Variants in TBXAS1 observed in about 807,000 individuals in gnomAD.
TBXAS1 encodes the protein thromboxane-A synthase.
TBXAS1 carries 48 observed loss-of-function variants against 60.7 expected under a neutral mutation model. The observed-to-expected ratio is 0.79, with a 90% CI of 0.63 to 1.01. The LOEUF is 1.01. Ranked by LOEUF, TBXAS1 falls within the 50% of genes least tolerant of loss-of-function variation. The probability of loss-of-function intolerance (pLI) is 0.00; values close to 1 mark genes in which losing one functional copy is unlikely to be tolerated. For synonymous variants in TBXAS1, 287 were observed against 269.7 expected (o/e 1.06, Z -0.63); for missense variants, 685 against 686.3 (o/e 1.00, Z 0.02).
chr7:140,003,520 A>T (rs1352151768), intron 9 of TBXAS1, among the ~76,000 whole-genome samples: 1 of 152,164 alleles, frequency 6.6e-6, no homozygotes, highest in African/African-American at 2.4e-5. Flanking sequence ...GTGCATCTTG[A>T]TCTAAAAGCC....
intron 3 of TBXAS1, among the ~76,000 whole-genome samples, chr7:139,906,574 CT>C (rs954461231): frequency 6.6e-6 from 1 of 152,004 alleles, no homozygotes; most frequent in Non-Finnish European, 1.5e-5. Flanking sequence ...CCACTTTATT[CT>C]TTTTTCAAAA....
intron 9 of TBXAS1, among the ~76,000 whole-genome samples, chr7:140,001,719 A>G (rs1813688013): frequency 6.6e-6 from 1 of 152,194 alleles, no homozygotes; most frequent in South Asian, 2.1e-4. Context: ...AAACATGACC[A>G]CAATACCATT....
chr7:139,991,848 G>A (rs576438416), intron 9 of TBXAS1, among the ~76,000 whole-genome samples: 5 of 152,290 alleles, frequency 3.3e-5, no homozygotes, highest in South Asian at 4.1e-4. Flanking sequence ...CGGAGAGCAC[G>A]GGCAGCTCTC....
intron 5 of TBXAS1, among the ~76,000 whole-genome samples, chr7:139,953,117 G>A (rs1206092744): frequency 6.6e-6 from 1 of 152,186 alleles, no homozygotes. Context: ...CGTATTCACT[G>A]TAAATCTGTT....
chr7:139,957,082 A>G (rs1283799566), intron 7 of TBXAS1, among the ~76,000 whole-genome samples: 2 of 152,236 alleles, frequency 1.3e-5, no homozygotes, highest in Non-Finnish European at 2.9e-5. Context: ...GCAAGGGCCC[A>G]TGCTGCACCC....
chr7:139,871,816 A>G (rs569282304), intron 1 of TBXAS1, among the ~76,000 whole-genome samples: 1 of 152,320 alleles, frequency 6.6e-6, no homozygotes, highest in East Asian at 1.9e-4. Context: ...AAATACACAC[A>G]TTTGCACAGG....
intron 8 of TBXAS1, among the ~76,000 whole-genome samples, chr7:139,959,657 A>G (rs1810169124): frequency 1.3e-5 from 2 of 152,312 alleles, no homozygotes; most frequent in Admixed American, 1.3e-4. Flanking sequence ...ATAAGAGGAA[A>G]GGATGCTGGC....
chr7:139,872,448 A>T, intron 2 of TBXAS1, 120 bp downstream of exon 2: 1 of 925,614 alleles, frequency 1.1e-6, no homozygotes, highest in East Asian at 2.9e-5. Flanking sequence ...TGAGGTCAGG[A>T]GTTCGAGACC....
chr7:139,935,971 C>T (rs1262292053), intron 4 of TBXAS1, among the ~76,000 whole-genome samples: 1 of 152,216 alleles, frequency 6.6e-6, no homozygotes, highest in Admixed American at 6.5e-5. Context: ...ACAGCTGAGC[C>T]ACCAGAGCTT....
intron 9 of TBXAS1, among the ~76,000 whole-genome samples, chr7:139,974,945 C>T (rs753075202): frequency 2.0e-5 from 3 of 152,126 alleles, no homozygotes; most frequent in African/African-American, 4.8e-5. Context: ...CCAGAGGAAC[C>T]GAACTAATAG....
chr7:139,924,312 G>C (rs1331625712), intron 4 of TBXAS1, among the ~76,000 whole-genome samples: 1 of 152,222 alleles, frequency 6.6e-6, no homozygotes, highest in African/African-American at 2.4e-5. Context: ...TTGGCAGCTT[G>C]TGTTATTGCC....
In TBXAS1 at chr7:139,962,066, G is replaced by C. The variant is rs747659359; in HGVS notation, c.967G>C (p.Ala323Pro). 1 of 1,614,174 alleles carries C rather than the reference G, an allele frequency of 6.2e-7. No homozygotes were observed. The highest frequency in any genetic ancestry group is 8.5e-7 in the Non-Finnish European group (1 of 1,180,034). Residue 323 changes from alanine (A) to proline (P), a missense_variant, in exon 9 of 13, where the codon GCC (alanine) becomes CCC (proline). Coordinates refer to ENST00000448866, the MANE Select transcript of TBXAS1 (RefSeq NM_001061.7). ...CCGGCAACACCAGCCCAGCCCTATGGCCAGGCCTTTGACTGTGGATGAGAT... is the reference window on the plus strand; with the variant it reads ...CCGGCAACACCAGCCCAGCCCTATGCCCAGGCCTTTGACTGTGGATGAGAT... ...PSRQHQPSPM[A>P]RPLTVDEIVG...
chr7:139,837,709 G>A (rs1230238390), intron 1 of TBXAS1, among the ~76,000 whole-genome samples: 1 of 152,168 alleles, frequency 6.6e-6, no homozygotes, highest in Non-Finnish European at 1.5e-5. Flanking sequence ...ATATGGTGCA[G>A]TGTGTACTAT....
In TBXAS1 at chr7:139,911,228, C is replaced by T. The variant is rs949910074; in HGVS notation, c.240C>T (p.Tyr80=). The change falls in exon 4 of 13, where the codon TAC becomes TAT. Residue 80 remains tyrosine, a synonymous_variant. Coordinates refer to ENST00000448866, the MANE Select transcript of TBXAS1 (RefSeq NM_001061.7). ...LRKLYGPLCG[Y]YLGRRMFIVI... ...ATGCATTTTTTATTCCTCCCAGGTACTATCTTGGTCGTCGGATGTTTATTG... is the reference window on the plus strand; with the variant it reads ...ATGCATTTTTTATTCCTCCCAGGTATTATCTTGGTCGTCGGATGTTTATTG... The T allele has an allele frequency of 1.5e-5, 25 of 1,614,030 alleles. No individual in the cohort carries two copies. The Middle Eastern group carries it at 4.9e-4, about 32-fold the overall frequency.
intron 4 of TBXAS1, among the ~76,000 whole-genome samples, chr7:139,820,468 C>T (rs1798267665): frequency 6.6e-6 from 1 of 152,204 alleles, no homozygotes; most frequent in Non-Finnish European, 1.5e-5. Context: ...GGTGGCATTG[C>T]TTCAACTCCC....
chr7:139,872,302 A>G lies in TBXAS1; in HGVS notation c.157A>G (p.Ile53Val). The change falls in exon 2 of 13, where the codon ATT (isoleucine) becomes GTT (valine). Residue 53 changes from isoleucine to valine, a missense_variant. By Grantham distance (29) the Ile-to-Val change is conservative. Coordinates refer to ENST00000448866, the MANE Select transcript of TBXAS1 (RefSeq NM_001061.7). ...CAGACATCCCAAGCCTTCTCCTTTC[A>G]TTGGAAACTTGACATTTTTCCGCCA... ...GLRHPKPSPF[I>V]GNLTFFRQGF... The G allele has an allele frequency of 6.2e-7, 1 of 1,614,008 alleles. No individual in the cohort carries two copies. The highest frequency in any genetic ancestry group is 8.5e-7 in the Non-Finnish European group (1 of 1,179,934).
chr7:139,952,690 T>C (rs1297659157), intron 5 of TBXAS1: 7 of 1,516,362 alleles, frequency 4.6e-6, no homozygotes, highest in Admixed American at 2.1e-5. Context: ...CCTTTCTGTG[T>C]AAGTTAGGAA....
At chr7:140,012,901 C>T (rs1050766365) in intron 10 of TBXAS1, among the ~76,000 whole-genome samples, 1 of 152,050 alleles carries the variant, frequency 6.6e-6, no homozygotes, top group African/African-American at 2.4e-5. Flanking sequence ...AGTGACAGCA[C>T]GTTTGTTTAA....
intron 7 of TBXAS1, 99 bp from the exon 8 acceptor site, chr7:139,957,535 C>A (rs185467402): frequency 3.2e-6 from 5 of 1,566,392 alleles, no homozygotes; most frequent in Non-Finnish European, 4.4e-6. Context: ...AAAACGGCTC[C>A]GATTCCAGGC....
Sources: gnomAD v4.1 joint callset for allele counts (sites outside exome capture counted in the v4.1 genomes callset) on GRCh38, gnomAD v4.1.1 for gene constraint, MANE v1.5 for transcripts, NCBI Gene and HGNC (gene_info 2026-07-23, HGNC 2026-07-21) for gene names.